Variants in DHX36 observed in about 807,000 individuals in gnomAD.
DHX36 encodes ATP-dependent DNA/RNA helicase DHX36.
A neutral mutation model predicts 139.0 loss-of-function variants in DHX36; 50 were observed. That is an observed-to-expected ratio of 0.36 (90% CI 0.29 to 0.46). The LOEUF is 0.46. DHX36 is among the 20% of genes least tolerant of loss of function. DHX36 has a pLI of 1.00. For synonymous variants in DHX36, 425 were observed against 401.9 expected, an observed-to-expected ratio of 1.06 and a Z score of -0.69; for missense variants, 1,024 against 1,211.3, an observed-to-expected ratio of 0.85 and a Z score of 2.29.
rs777343688 is a variant in DHX36 at position 154,292,687 on chromosome 3, T to C, written c.1678A>G (p.Ile560Val). The change falls in exon 15 of 25, where the codon ATA becomes GTA. Residue 560 changes from isoleucine to valine, a missense_variant. Physicochemically the swap from Ile to Val is conservative, Grantham distance 29. Coordinates refer to ENST00000496811, the MANE Select transcript of DHX36 (RefSeq NM_020865.3). The stretch of plus-strand genomic sequence containing the variant: ...TCTATCACATAAACGACATCATCTA[T>C]GGTAATGCTGTTTGGAAAACAGATA... ...ATNIAETSIT[I>V]DDVVYVIDGG... is the part of the protein sequence containing the mutation. The C allele has an allele frequency of 2.4e-5, 38 of 1,613,316 alleles. No individual in the cohort carries two copies. Among genetic ancestry groups the C allele is most frequent in the Non-Finnish European group, 3.1e-5 (37 of 1,179,896 alleles).
rs777526815 is a variant in DHX36 at position 154,316,067 on chromosome 3, T to C, written c.340A>G (p.Ile114Val). 3.1e-6 allele frequency: 5 copies of C among 1,613,150 alleles called. No individual in the cohort carries two copies. In the South Asian group the frequency reaches 5.5e-5, roughly 18 times the overall value. The change falls in exon 2 of 25, where the codon ATA (isoleucine) becomes GTA (valine). Residue 114 changes from isoleucine to valine, a missense_variant. Coordinates refer to ENST00000496811, the MANE Select transcript of DHX36 (RefSeq NM_020865.3). ...TGATCCTCAGGAGCAAACCAGGATA[T>C]CTGTGCTTCTGACTCTTTATCATTC... ...AKNDKESEAQISWFAPEDHGY... is the reference protein window; with the variant it reads ...AKNDKESEAQVSWFAPEDHGY...
chr3:154,311,592 T>C, intron 4 of DHX36, 44 bp downstream of exon 4: 1 of 1,544,424 alleles, frequency 6.5e-7, no homozygotes, highest in Non-Finnish European at 8.8e-7. Context: ...AAATTGTGTA[T>C]TTAATTTGCA....
intron 4 of DHX36, among the ~76,000 whole-genome samples, chr3:154,310,732 T>C (rs1477914449): frequency 3.9e-5 from 5 of 128,866 alleles, no homozygotes; most frequent in African/African-American, 1.5e-4. Context: ...TAAGCCGAGA[T>C]TGCGCCACTG....
chr3:154,298,781 G>A (rs556981052), intron 12 of DHX36, among the ~76,000 whole-genome samples: 1 of 152,222 alleles, frequency 6.6e-6, no homozygotes, highest in South Asian at 2.1e-4. Context: ...CGGGCGTGGT[G>A]GCAGGTGCCT....
At chr3:154,312,198 T>TA (rs1476826565) in intron 3 of DHX36, 1 of 152,142 alleles carries the variant, frequency 6.6e-6, no homozygotes, top group African/African-American at 2.4e-5. Flanking sequence ...AAGTCAAACT[T>TA]AAAGTATGAA....
chr3:154,307,376 G>A (rs1712544100), intron 5 of DHX36, among the ~76,000 whole-genome samples: 1 of 152,082 alleles, frequency 6.6e-6, no homozygotes, highest in South Asian at 2.1e-4. Context: ...TCATCCAGCA[G>A]TGGACAAATA....
chr3:154,303,325 T>G lies in DHX36; in HGVS notation c.1217+4A>C. ...ATGTTTTTTATTTCCTAATGTTTAC[T>G]TACCTTATTTTTTCAATTACATCTT... On this transcript the variant is annotated splice_donor_region_variant and intron_variant, in intron 9 of 24. Transcript: ENST00000496811. The G allele has an allele frequency of 6.3e-7, 1 of 1,577,906 alleles. No individual in the cohort carries two copies. The highest frequency in any genetic ancestry group is 1.2e-5 in the South Asian group (1 of 86,006).
chr3:154,296,111 T>G (rs553231933), intron 12 of DHX36, among the ~76,000 whole-genome samples: 2 of 152,280 alleles, frequency 1.3e-5, no homozygotes, highest in Non-Finnish European at 2.9e-5. Flanking sequence ...ATATCTAAAT[T>G]TTTAGAGCAA....
chr3:154,294,053 G>C (rs1004557923), intron 13 of DHX36, among the ~76,000 whole-genome samples: 32 of 152,084 alleles, frequency 2.1e-4, no homozygotes, highest in Admixed American at 2.1e-3. Flanking sequence ...TCACAAACAA[G>C]ATTTCCAATG....
At chr3:154,282,115 GTTCAT>G (rs1450090045) in intron 20 of DHX36, among the ~76,000 whole-genome samples, 9 of 151,976 alleles carry the variant, frequency 5.9e-5, no homozygotes, top group African/African-American at 1.9e-4. Context: ...TCACTTCTCT[GTTCAT>G]TTCATTATTT....
chr3:154,299,929 T>C lies in DHX36; in HGVS notation c.1462-4A>G, dbSNP rs766395913. 6.2e-7 allele frequency: 1 copy of C among 1,603,176 alleles called. No individual in the cohort carries two copies. The highest frequency in any genetic ancestry group is 2.2e-5 in the East Asian group (1 of 44,772). On this transcript the variant is annotated splice_region_variant and splice_polypyrimidine_tract_variant and intron_variant, in intron 11 of 24. Transcript: ENST00000496811. ...GAAAGACCAGTATCGCACCATCCTA[T>C]ATGAAGGGGAAATAACCATTACAAA...
chr3:154,305,852 T>C (rs1186906735), intron 6 of DHX36, among the ~76,000 whole-genome samples: 1 of 151,822 alleles, frequency 6.6e-6, no homozygotes, highest in Admixed American at 6.6e-5. Context: ...CACAGTGGAG[T>C]TGGATAGGGG....
intron 4 of DHX36, among the ~76,000 whole-genome samples, chr3:154,310,821 A>G (rs1254175403): frequency 4.1e-5 from 1 of 24,102 alleles, no homozygotes; most frequent in African/African-American, 2.0e-4. Context: ...ATATATATAT[A>G]TATATATATA....
intron 17 of DHX36, among the ~76,000 whole-genome samples, chr3:154,286,396 G>A (rs1201333136): frequency 6.6e-6 from 1 of 151,560 alleles, no homozygotes; most frequent in East Asian, 1.9e-4. Context: ...ATTTGAATAA[G>A]GGGACTTTAC....
In DHX36 at chr3:154,315,188, ATTTT is replaced by A; in HGVS notation, c.457_460del (p.Lys153CysfsTer27). The A allele has an allele frequency of 6.2e-7, 1 of 1,601,446 alleles. No individual in the cohort carries two copies. Among genetic ancestry groups the A allele is most frequent in the African/African-American group, 1.3e-5 (1 of 74,408 alleles). On this transcript the variant is annotated frameshift_variant, in exon 3 of 25. Coordinates refer to ENST00000496811, the MANE Select transcript of DHX36 (RefSeq NM_020865.3). LOFTEE classifies it high-confidence loss of function. ...ATATGATCTGTTCCTGATTCTAAAC[ATTTT>A]TTTTTCTTGATTTATCAACTTCTTT... is the stretch of plus-strand genomic sequence containing the variant.
chr3:154,301,170 T>C, intron 9 of DHX36, 43 bp from the exon 10 acceptor site: 3 of 1,531,962 alleles, frequency 2.0e-6, no homozygotes, highest in Non-Finnish European at 2.6e-6. Flanking sequence ...TTTTTGAAAC[T>C]CTAGTTTTAG....
chr3:154,305,390 T>C (rs911735363), intron 6 of DHX36: 1 of 448,356 alleles, frequency 2.2e-6, no homozygotes, highest in African/African-American at 2.0e-5. Flanking sequence ...GTTAATTTCT[T>C]TTAAAAGATA....
At position 154,289,702 on chromosome 3, in the gene DHX36, A is replaced by G. The variant is rs775712445; in HGVS notation, c.1932+7T>C. The G allele has an allele frequency of 2.6e-5, 39 of 1,516,284 alleles. No homozygotes were observed. Among genetic ancestry groups the G allele is most frequent in the Non-Finnish European group, 3.4e-5 (37 of 1,092,628 alleles). 93.9% of individuals were successfully genotyped at this position (1,516,284 alleles called of 1,614,324 possible). On this transcript the variant is annotated splice_region_variant and intron_variant, in intron 16 of 24. Coordinates refer to ENST00000496811, the MANE Select transcript of DHX36 (RefSeq NM_020865.3). ...ATTTAGTTTCTTCATTCTCCCACCT[A>G]ATTTACCTTTATTTGTAAACAAAGT... is the stretch of plus-strand genomic sequence containing the variant.
At position 154,311,620 on chromosome 3, in the gene DHX36, G is replaced by GA. The variant is rs779041428; in HGVS notation, c.642+15dup. 604 of 1,590,268 alleles carry GA rather than the reference G, an allele frequency of 3.8e-4. 7 individuals are homozygous for GA. The East Asian group carries it at 0.014, about 36-fold the overall frequency. On this transcript the variant is annotated intron_variant, in intron 4 of 24. Coordinates refer to ENST00000496811, the MANE Select transcript of DHX36 (RefSeq NM_020865.3). ...AATTTGCAAATCAAATTAAATAGTG[G>GA]AAAAAAGCACTTTACCTTTTGCATT... is the stretch of plus-strand genomic sequence containing the variant.
Sources: gnomAD v4.1 joint callset for allele counts (sites outside exome capture counted in the v4.1 genomes callset) on GRCh38, gnomAD v4.1.1 for gene constraint, MANE v1.5 for transcripts, NCBI Gene and HGNC (gene_info 2026-07-23, HGNC 2026-07-21) for gene names.